Variants in CDH18 observed in about 807,000 individuals in gnomAD.
The protein encoded by CDH18 is cadherin 18.
A neutral mutation model predicts 67.9 loss-of-function variants in CDH18; 31 were observed. The observed-to-expected ratio is 0.46, with a 90% CI of 0.34 to 0.62. The LOEUF (loss-of-function observed/expected upper bound fraction) is 0.62, where lower values mean the gene tolerates loss of function less well. Among genes scored for constraint, CDH18 ranks in the 20% least tolerant of loss-of-function variants. The pLI is 0.01. For missense variants in CDH18, 890 were observed against 975.5 expected, an observed-to-expected ratio of 0.91 and a Z score of 1.17; for synonymous variants, 362 against 347.2, an observed-to-expected ratio of 1.04 and a Z score of -0.48.
rs1306343634 is a variant in CDH18 at position 19,896,573 on chromosome 5, G to A, written c.-256-57331C>T. Among the ~76,000 whole-genome samples the A allele has an allele frequency of 4.6e-5, 7 of 152,088 alleles. No homozygotes were observed. The East Asian group carries it at 1.2e-3, about 25-fold the overall frequency. ...GATTCTTCCCTAGAGCCTCCAAAGCGAGCACAGCCTGGCAAACACCTTGAA... is the reference window on the plus strand; with the variant it reads ...GATTCTTCCCTAGAGCCTCCAAAGCAAGCACAGCCTGGCAAACACCTTGAA... On this transcript the variant is annotated intron_variant, in intron 2 of 12. Transcript: ENST00000382275.
intron 8 of CDH18, among the ~76,000 whole-genome samples, chr5:19,567,025 T>G (rs1740529895): frequency 6.6e-6 from 1 of 151,950 alleles, no homozygotes; most frequent in South Asian, 2.1e-4. Context: ...GGAGCTAAAA[T>G]TAGAACAATT....
At chr5:20,098,852 A>G (rs1352137704) in intron 2 of CDH18, among the ~76,000 whole-genome samples, 2 of 152,092 alleles carry the variant, frequency 1.3e-5, no homozygotes, top group African/African-American at 4.8e-5. Flanking sequence ...TAAAAAGTGA[A>G]CCATTTTACT....
chr5:20,009,279 C>G (rs928830934), intron 2 of CDH18, among the ~76,000 whole-genome samples: 1 of 151,976 alleles, frequency 6.6e-6, no homozygotes, highest in Non-Finnish European at 1.5e-5. Context: ...ATTGACCGGT[C>G]TACATCTCAT....
chr5:19,721,520 A>C (rs935827479), intron 4 of CDH18, 54 bp from the exon 5 acceptor site: 1 of 1,551,598 alleles, frequency 6.4e-7, no homozygotes, highest in African/African-American at 1.4e-5. Context: ...GCATATGATT[A>C]ATTTGAACAC....
At chr5:20,265,860 G>A (rs1369789981) in intron 1 of CDH18, among the ~76,000 whole-genome samples, 1 of 152,186 alleles carries the variant, frequency 6.6e-6, no homozygotes, top group African/African-American at 2.4e-5. Context: ...GTCAGTGGAT[G>A]TGTTTCTGAA....
intron 2 of CDH18, among the ~76,000 whole-genome samples, chr5:19,873,099 G>T (rs1168768607): frequency 6.6e-6 from 1 of 151,836 alleles, no homozygotes; most frequent in Admixed American, 6.6e-5. Flanking sequence ...ACATGTTATG[G>T]CTAGTTTTGT....
At position 20,499,692 on chromosome 5, in the gene CDH18, G is replaced by GT. The variant is rs577343086; in HGVS notation, c.-580+75769dup. On this transcript the variant is annotated intron_variant, in intron 1 of 14. Transcript: ENST00000507958. ...AAACTTAGCTTTGCCTTATCAACAG[G>GT]TTTTCTAGTGGGTTTCCAGACATCA... Among the ~76,000 whole-genome samples, 8 of 152,172 alleles carry GT rather than the reference G, an allele frequency of 5.3e-5. No homozygotes were observed. The South Asian group carries it at 1.7e-3, about 31-fold the overall frequency.
chr5:20,452,173 A>G (rs1319480137), intron 1 of CDH18, among the ~76,000 whole-genome samples: 3 of 152,214 alleles, frequency 2.0e-5, no homozygotes, highest in African/African-American at 7.2e-5. Context: ...ATATGCAAAA[A>G]TAAGTATAAT....
At chr5:19,653,742 G>T (rs1755918411) in intron 5 of CDH18, among the ~76,000 whole-genome samples, 1 of 152,154 alleles carries the variant, frequency 6.6e-6, no homozygotes, top group Non-Finnish European at 1.5e-5. Flanking sequence ...TTCCACCATA[G>T]CCTGTGCTGT....
chr5:19,825,577 C>T (rs913799529), intron 3 of CDH18, among the ~76,000 whole-genome samples: 4 of 151,956 alleles, frequency 2.6e-5, no homozygotes, highest in Non-Finnish European at 5.9e-5. Flanking sequence ...ACCAGAACAC[C>T]TAACAAAAGA....
At chr5:19,975,581 T>C (rs1481523620) in intron 2 of CDH18, among the ~76,000 whole-genome samples, 1 of 152,186 alleles carries the variant, frequency 6.6e-6, no homozygotes, top group African/African-American at 2.4e-5. Flanking sequence ...AAATATTTTA[T>C]GTCTCTCAGG....
intron 2 of CDH18, among the ~76,000 whole-genome samples, chr5:20,235,825 G>T (rs979321394): frequency 1.3e-5 from 2 of 152,146 alleles, no homozygotes; most frequent in Admixed American, 1.3e-4. Flanking sequence ...ACACATACCT[G>T]TATGTACATC....
intron 2 of CDH18, among the ~76,000 whole-genome samples, chr5:20,039,581 A>C (rs1362929213): frequency 6.6e-6 from 1 of 152,176 alleles, no homozygotes; most frequent in African/African-American, 2.4e-5. Context: ...AACCTGACAA[A>C]AACAAGAAAT....
chr5:19,826,941 G>C lies in CDH18; in HGVS notation c.228+11818C>G, dbSNP rs185218344. On this transcript the variant is annotated intron_variant, in intron 3 of 12. Transcript: ENST00000382275. ...CAGTTAAAGGCACAGAGTGGTAAGT[G>C]AGATGAAGAAACAAGACTCAACTCC... Among the ~76,000 whole-genome samples the C allele has an allele frequency of 1.0e-3, 154 of 152,200 alleles. 1 individual carries two copies. Among genetic ancestry groups the C allele is most frequent in the African/African-American group, 3.4e-3 (142 of 41,560 alleles).
At chr5:19,529,384 T>C (rs1467863313) in intron 9 of CDH18, among the ~76,000 whole-genome samples, 1 of 152,066 alleles carries the variant, frequency 6.6e-6, no homozygotes, top group Admixed American at 6.5e-5. Context: ...CAGTGAATAC[T>C]GAATGCTTTA....
At chr5:19,894,347 T>C (rs1789077105) in intron 2 of CDH18, among the ~76,000 whole-genome samples, 1 of 152,058 alleles carries the variant, frequency 6.6e-6, no homozygotes, top group South Asian at 2.1e-4. Flanking sequence ...TCAGGATACT[T>C]TAACCAGTTA....
chr5:19,651,452 A>T (rs1157396292), intron 5 of CDH18, among the ~76,000 whole-genome samples: 1 of 152,088 alleles, frequency 6.6e-6, no homozygotes, highest in Admixed American at 6.6e-5. Context: ...GATCTTCAAG[A>T]TCAGCCAATA....
At chr5:20,561,116 C>A (rs917324511) in intron 1 of CDH18, among the ~76,000 whole-genome samples, 4 of 151,978 alleles carry the variant, frequency 2.6e-5, no homozygotes, top group South Asian at 4.1e-4. Context: ...TGAATGCTGG[C>A]AAGGATATGA....
intron 2 of CDH18, among the ~76,000 whole-genome samples, chr5:19,918,048 C>A (rs1447328203): frequency 2.0e-5 from 3 of 152,058 alleles, no homozygotes; most frequent in Non-Finnish European, 4.4e-5. Context: ...GAAAACTGGG[C>A]AATATTATAA....
Sources: allele counts gnomAD v4.1 joint callset (sites outside exome capture counted in the v4.1 genomes callset), GRCh38; gene constraint gnomAD v4.1.1; transcripts MANE v1.5; gene names NCBI Gene and HGNC (gene_info 2026-07-23, HGNC 2026-07-21).